Variants in GALNT10 observed in about 807,000 individuals in gnomAD.
GALNT10 encodes the protein polypeptide N-acetylgalactosaminyltransferase 10, also known as GalNAc transferase 10.
GALNT10 carries 41 observed loss-of-function variants against 75.0 expected under a neutral mutation model. The ratio of observed to expected loss-of-function variants is 0.55; its 90% CI spans 0.43 to 0.71. The LOEUF (loss-of-function observed/expected upper bound fraction) is 0.71. Among genes scored for constraint, GALNT10 ranks in the 30% least tolerant of loss-of-function variants. GALNT10 has a pLI of 0.00. For missense variants in GALNT10, 727 were observed against 818.5 expected, an observed-to-expected ratio of 0.89 and a Z score of 1.36; for synonymous variants, 302 against 313.0, an observed-to-expected ratio of 0.96 and a Z score of 0.37.
At chr5:154,306,171 A>G (rs1279780862) in intron 3 of GALNT10, among the ~76,000 whole-genome samples, 1 of 152,226 alleles carries the variant, frequency 6.6e-6, no homozygotes, top group Non-Finnish European at 1.5e-5. Context: ...CTGTCAACCA[A>G]TATGACCTAA....
intron 4 of GALNT10, among the ~76,000 whole-genome samples, chr5:154,363,492 GAAAAAAAAAAAAAAAAA>G (rs57710576): frequency 0.13 from 4,797 of 37,964 alleles, 191 homozygotes; most frequent in Middle Eastern, 0.29. Flanking sequence ...GCGTTTATCT[GAAAAAAAAAAAAAAAAA>G]AAAAAAAAAA....
At chr5:154,275,420 C>G (rs1007589779) in intron 1 of GALNT10, among the ~76,000 whole-genome samples, 1 of 152,216 alleles carries the variant, frequency 6.6e-6, no homozygotes, top group Admixed American at 6.5e-5. Flanking sequence ...AGACATAGAG[C>G]AGTTCACATG....
At chr5:154,251,937 A>G (rs1391356041) in intron 1 of GALNT10, among the ~76,000 whole-genome samples, 1 of 129,710 alleles carries the variant, frequency 7.7e-6, no homozygotes, top group East Asian at 2.6e-4. Context: ...AAGAGAAAAT[A>G]CCCTGTGAGT....
chr5:154,271,853 G>T (rs1753870151), intron 1 of GALNT10, among the ~76,000 whole-genome samples: 1 of 152,182 alleles, frequency 6.6e-6, no homozygotes, highest in African/African-American at 2.4e-5. Flanking sequence ...CAGAGGAAAG[G>T]CTTTCCTCCC....
chr5:154,200,362 C>T lies in GALNT10; in HGVS notation c.159+9337C>T, dbSNP rs547965445. On this transcript the variant is annotated intron_variant, in intron 1 of 11. Transcript: ENST00000297107. ...ACAAATGTCAGCCTCCTCTGAGAGG[C>T]GGGCTGCTGAGCAGAGGGGCCGACA... Among the ~76,000 whole-genome samples, 42 of 152,214 alleles carry T rather than the reference C, an allele frequency of 2.8e-4. 1 individual carries two copies. Among genetic ancestry groups the T allele is most frequent in the Admixed American group, 2.4e-3 (37 of 15,296 alleles).
intron 1 of GALNT10, among the ~76,000 whole-genome samples, chr5:154,215,168 CCT>C (rs1362673984): frequency 6.6e-6 from 1 of 152,212 alleles, no homozygotes; most frequent in African/African-American, 2.4e-5. Context: ...GGAGAGAAGT[CCT>C]CTCTATAGTT....
chr5:154,330,847 G>A (rs1353994321), intron 4 of GALNT10, among the ~76,000 whole-genome samples: 5 of 151,736 alleles, frequency 3.3e-5, no homozygotes, highest in East Asian at 1.9e-4. Flanking sequence ...CCATCGCCCC[G>A]TTTTAATACC....
At position 154,416,480 on chromosome 5, in the gene GALNT10, TACACACACACAC is replaced by T. The variant is rs70978542; in HGVS notation, c.1654-307_1654-296del. On this transcript the variant is annotated intron_variant, in intron 11 of 11. Coordinates refer to ENST00000297107, the MANE Select transcript of GALNT10 (RefSeq NM_198321.4). The surrounding 1 kb of genome is among the most constrained non-coding windows in gnomAD (Gnocchi z 4.5). ...AAATAAAAGATAAAAGGAAAGCACA[TACACACACACAC>T]ACACACACACACACACACACACACA... Among the ~76,000 whole-genome samples the T allele has an allele frequency of 3.5e-5, 5 of 141,824 alleles. No homozygotes were observed. Among genetic ancestry groups the T allele is most frequent in the Non-Finnish European group, 7.6e-5 (5 of 65,982 alleles). 93.0% of individuals were successfully genotyped at this position (141,824 alleles called of 152,430 possible).
At chr5:154,198,787 C>T (rs1286408682) in intron 1 of GALNT10, among the ~76,000 whole-genome samples, 2 of 152,184 alleles carry the variant, frequency 1.3e-5, no homozygotes, top group Non-Finnish European at 2.9e-5. Flanking sequence ...GTCTTAGCTC[C>T]TCTGAGCCTT....
intron 1 of GALNT10, among the ~76,000 whole-genome samples, chr5:154,231,320 T>C (rs1001330386): frequency 1.3e-5 from 2 of 152,218 alleles, no homozygotes; most frequent in African/African-American, 4.8e-5. Context: ...TTTGAATGTA[T>C]ATACTGCACA....
chr5:154,405,227 G>A (rs994156035), intron 8 of GALNT10, among the ~76,000 whole-genome samples: 8 of 152,178 alleles, frequency 5.3e-5, no homozygotes, highest in Admixed American at 5.2e-4. Context: ...TAGAATTGCA[G>A]CCCCCGGGAC....
At chr5:154,280,088 T>G (rs1276638343) in intron 1 of GALNT10, among the ~76,000 whole-genome samples, 1 of 152,176 alleles carries the variant, frequency 6.6e-6, no homozygotes, top group African/African-American at 2.4e-5. Flanking sequence ...TAAAAAAGAA[T>G]GAAATTATGT....
At chr5:154,296,250 CTAATTTTTG>C (rs1754269935) in intron 2 of GALNT10, among the ~76,000 whole-genome samples, 1 of 152,106 alleles carries the variant, frequency 6.6e-6, no homozygotes, top group South Asian at 2.1e-4. Flanking sequence ...CCACACCAGG[CTAATTTTTG>C]TAATTTTTGT....
At chr5:154,229,892 G>A (rs1753121818) in intron 1 of GALNT10, among the ~76,000 whole-genome samples, 1 of 152,244 alleles carries the variant, frequency 6.6e-6, no homozygotes, top group African/African-American at 2.4e-5. Flanking sequence ...AGGATACATT[G>A]AGGAAGCAGA....
At chr5:154,293,437 A>G (rs1325317717) in intron 1 of GALNT10, among the ~76,000 whole-genome samples, 3 of 152,030 alleles carry the variant, frequency 2.0e-5, no homozygotes, top group African/African-American at 4.8e-5. Context: ...GGCTTGAGAA[A>G]GTATCAGGTT....
intron 1 of GALNT10, among the ~76,000 whole-genome samples, chr5:154,200,731 G>C (rs1775016820): frequency 6.6e-6 from 1 of 152,122 alleles, no homozygotes; most frequent in Non-Finnish European, 1.5e-5. Context: ...TTCATTCAGA[G>C]AGCTTCTTTT....
At chr5:154,290,258 A>ATTTTTTTTTTTTTTTTTT (rs71577131) in intron 1 of GALNT10, among the ~76,000 whole-genome samples, 9 of 98,916 alleles carry the variant, frequency 9.1e-5, no homozygotes, top group African/African-American at 1.2e-4. Flanking sequence ...CACTCAGCTA[A>ATTTTTTTTTTTTTTTTTT]TTTTTTTTTT....
intron 4 of GALNT10, among the ~76,000 whole-genome samples, chr5:154,374,974 T>C (rs2113171614): frequency 6.6e-6 from 1 of 152,354 alleles, no homozygotes; most frequent in Admixed American, 6.5e-5. Context: ...AAAGTTTCCT[T>C]TTAAAATAAA....
chr5:154,274,774 C>G (rs931630646), intron 1 of GALNT10, among the ~76,000 whole-genome samples: 3 of 152,158 alleles, frequency 2.0e-5, no homozygotes, highest in African/African-American at 7.2e-5. Flanking sequence ...CAAGAAATAG[C>G]CCCTAGAAAT....
Sources: allele counts gnomAD v4.1 joint callset (sites outside exome capture counted in the v4.1 genomes callset), GRCh38; gene constraint gnomAD v4.1.1; non-coding constraint Gnocchi (gnomAD v3.1); transcripts MANE v1.5; gene names NCBI Gene and HGNC (gene_info 2026-07-23, HGNC 2026-07-21).